Variants in ZFHX3 observed in about 807,000 individuals in gnomAD.
ZFHX3 encodes zinc finger homeobox protein 3.
ZFHX3 carries 42 observed loss-of-function variants against 279.1 expected under a neutral mutation model. The observed-to-expected ratio is 0.15, with a 90% confidence interval of 0.12 to 0.19. ZFHX3 has a LOEUF of 0.19. Ranked by LOEUF, ZFHX3 falls within the 10% of genes least tolerant of loss-of-function variation. The probability of loss-of-function intolerance (pLI) is 1.00; values close to 1 mark genes in which losing one functional copy is unlikely to be tolerated. For missense variants in ZFHX3, 4,981 were observed against 4,754.0 expected, an observed-to-expected ratio of 1.05 and a Z score of -1.40; for synonymous variants, 2,293 against 1,957.8, an observed-to-expected ratio of 1.17 and a Z score of -4.52.
At chr16:72,827,642 A>T (rs928949307) in intron 5 of ZFHX3, among the ~76,000 whole-genome samples, 1 of 152,198 alleles carries the variant, frequency 6.6e-6, no homozygotes, top group Non-Finnish European at 1.5e-5. Context: ...GTTGAGGCAA[A>T]ACTGGGATCT....
At chr16:73,863,346 C>T (rs1227029463) in intron 1 of ZFHX3, among the ~76,000 whole-genome samples, 1 of 152,040 alleles carries the variant, frequency 6.6e-6, no homozygotes, top group Non-Finnish European at 1.5e-5. Flanking sequence ...AAGGTGGACC[C>T]AGATGGAGGG....
At position 73,142,400 on chromosome 16, in the gene ZFHX3, C is replaced by T. The variant is rs150483555; in HGVS notation, c.-1024+1352G>A. Among the ~76,000 whole-genome samples the T allele has an allele frequency of 2.1e-3, 314 of 152,316 alleles. 1 individual carries two copies. The highest frequency in any genetic ancestry group is 7.2e-3 in the African/African-American group (298 of 41,562). On this transcript the variant is annotated intron_variant, in intron 6 of 17. Coordinates refer to the ZFHX3 transcript ENST00000641206. ...TTGCAGACTGCATGCCAATACCCGC[C>T]GTAGAGAAGAACTGTTACCTTTGAA...
In ZFHX3 at chr16:73,176,394, T is replaced by C. The variant is rs546130766; in HGVS notation, c.-1103-32563A>G. Among the ~76,000 whole-genome samples, 17 of 152,282 alleles carry C rather than the reference T, an allele frequency of 1.1e-4. No individual in the cohort carries two copies. The South Asian group carries it at 3.3e-3, about 30-fold the overall frequency. On this transcript the variant is annotated intron_variant, in intron 5 of 17. Transcript: ENST00000641206. Reference sequence around the variant, plus strand: ...GTGATGATAGGAAGTCAAGTGCAGGTGAAAGCATAGTTCCCATTTTTGTTC... The same window carrying C: ...GTGATGATAGGAAGTCAAGTGCAGGCGAAAGCATAGTTCCCATTTTTGTTC...
intron 7 of ZFHX3, among the ~76,000 whole-genome samples, chr16:72,806,360 C>T (rs577669267): frequency 1.3e-5 from 2 of 152,208 alleles, no homozygotes; most frequent in East Asian, 1.9e-4. Context: ...GAGTTATACA[C>T]GTGTGCGCAG....
intron 3 of ZFHX3, among the ~76,000 whole-genome samples, chr16:73,394,020 T>C (rs2017075662): frequency 1.3e-5 from 2 of 148,850 alleles, no homozygotes; most frequent in Admixed American, 1.3e-4. Context: ...TCTGTATGAA[T>C]CTAAAAACTG....
At chr16:73,057,572 GA>G (rs963277915) in intron 1 of ZFHX3, among the ~76,000 whole-genome samples, 1 of 150,682 alleles carries the variant, frequency 6.6e-6, no homozygotes, top group African/African-American at 2.4e-5. Context: ...AGAAAGAAAA[GA>G]AAAAGAAAAA....
At chr16:73,181,991 G>A (rs984626946) in intron 5 of ZFHX3, among the ~76,000 whole-genome samples, 1 of 152,130 alleles carries the variant, frequency 6.6e-6, no homozygotes, top group African/African-American at 2.4e-5. Flanking sequence ...TTTACTGAGT[G>A]GGAGCACTCT....
chr16:73,419,235 G>C (rs1020368044), intron 3 of ZFHX3, among the ~76,000 whole-genome samples: 1 of 152,174 alleles, frequency 6.6e-6, no homozygotes, highest in Non-Finnish European at 1.5e-5. Flanking sequence ...AGTATGCTAA[G>C]TGCGCCATAG....
intron 7 of ZFHX3, among the ~76,000 whole-genome samples, chr16:73,108,229 G>A (rs1326501676): frequency 2.6e-5 from 4 of 151,954 alleles, no homozygotes; most frequent in Admixed American, 2.6e-4. Context: ...AGCTGCTCAA[G>A]AGGCTGAGGT....
intron 2 of ZFHX3, among the ~76,000 whole-genome samples, chr16:73,519,348 A>C (rs1327157376): frequency 6.6e-6 from 1 of 152,154 alleles, no homozygotes; most frequent in Admixed American, 6.5e-5. Flanking sequence ...TTATTCTATA[A>C]ATTTTTAAAA....
chr16:73,831,260 C>T (rs1960988375), intron 1 of ZFHX3, among the ~76,000 whole-genome samples: 1 of 152,156 alleles, frequency 6.6e-6, no homozygotes, highest in Non-Finnish European at 1.5e-5. Context: ...TCCCTGAAAG[C>T]AAAGTCCTCC....
chr16:72,801,261 T>C (rs1052744772), intron 7 of ZFHX3, among the ~76,000 whole-genome samples: 4 of 152,304 alleles, frequency 2.6e-5, no homozygotes, highest in African/African-American at 4.8e-5. Flanking sequence ...CCAGCCCCAC[T>C]TGGAGACATT....
chr16:73,565,910 A>C (rs1183537530), intron 2 of ZFHX3, among the ~76,000 whole-genome samples: 2 of 152,144 alleles, frequency 1.3e-5, no homozygotes, highest in Non-Finnish European at 2.9e-5. Flanking sequence ...TCCTTGGCCA[A>C]ATTCTAGGAT....
chr16:72,934,727 T>C (rs753320967), intron 3 of ZFHX3, among the ~76,000 whole-genome samples: 1 of 152,216 alleles, frequency 6.6e-6, no homozygotes, highest in African/African-American at 2.4e-5. Context: ...TTCCTCTTTG[T>C]ATTACGTATC....
intron 1 of ZFHX3, among the ~76,000 whole-genome samples, chr16:73,784,789 A>T (rs1484106255): frequency 1.0e-5 from 1 of 97,398 alleles, no homozygotes; most frequent in Non-Finnish European, 1.8e-5. Flanking sequence ...AACAAAATAA[A>T]AAAAAAAATA....
At chr16:73,874,194 A>G (rs192469352) in intron 1 of ZFHX3, among the ~76,000 whole-genome samples, 4 of 152,312 alleles carry the variant, frequency 2.6e-5, no homozygotes, top group Non-Finnish European at 5.9e-5. Context: ...GGGAGTTCAC[A>G]TAAGATATAT....
At chr16:73,385,008 G>A (rs1889704481) in intron 3 of ZFHX3, among the ~76,000 whole-genome samples, 1 of 152,104 alleles carries the variant, frequency 6.6e-6, no homozygotes. Flanking sequence ...CTTTCCTAGA[G>A]CATCTGTAGT....
At chr16:73,729,245 G>A (rs774890893) in intron 1 of ZFHX3, among the ~76,000 whole-genome samples, 3 of 152,182 alleles carry the variant, frequency 2.0e-5, no homozygotes, top group Admixed American at 6.5e-5. Context: ...ACCTGGGCCG[G>A]CAATGGCGTG....
chr16:73,845,713 T>C (rs1468955265), intron 1 of ZFHX3, among the ~76,000 whole-genome samples: 1 of 152,216 alleles, frequency 6.6e-6, no homozygotes, highest in Non-Finnish European at 1.5e-5. Context: ...TTCCAGCAAC[T>C]GTCCTTTGTC....
Sources: gnomAD v4.1 joint callset for allele counts (sites outside exome capture counted in the v4.1 genomes callset) on GRCh38, gnomAD v4.1.1 for gene constraint, MANE v1.5 for transcripts, NCBI Gene and HGNC (gene_info 2026-07-23, HGNC 2026-07-21) for gene names.